TCF12: variants seen among roughly 807,000 people sequenced by gnomAD.
TCF12 encodes transcription factor 12, also known as DNA-binding protein HTF4.
Under a neutral mutation model 86.0 loss-of-function variants are expected in TCF12, and 45 were observed. That is an observed-to-expected ratio of 0.52 (90% CI 0.41 to 0.67). TCF12 has a LOEUF of 0.67. TCF12 is among the 30% of genes least tolerant of loss of function. The pLI, the probability that TCF12 is intolerant of heterozygous loss-of-function variation, is 0.00. For missense variants in TCF12, 881 were observed against 859.9 expected (o/e 1.02, Z -0.31); for synonymous variants, 330 against 299.6 (o/e 1.10, Z -1.05).
At chr15:57,113,518 C>T (rs150342705) in intron 5 of TCF12, among the ~76,000 whole-genome samples, 385 of 152,210 alleles carry the variant, frequency 2.5e-3, no homozygotes, top group Non-Finnish European at 4.3e-3. Flanking sequence ...CTGGCAATCC[C>T]TTACCTTTCT....
intron 6 of TCF12, among the ~76,000 whole-genome samples, chr15:57,181,945 A>G (rs917407413): frequency 6.6e-6 from 1 of 152,162 alleles, no homozygotes; most frequent in East Asian, 1.9e-4. Context: ...TATATTTTAG[A>G]TATATGTATT....
intron 3 of TCF12, among the ~76,000 whole-genome samples, chr15:56,953,936 ATTAC>A (rs2061393297): frequency 4.4e-5 from 3 of 67,566 alleles, no homozygotes; most frequent in Non-Finnish European, 9.1e-5. Context: ...CTGTGACTTT[ATTAC>A]TTGCATTCTC....
chr15:57,146,888 T>A (rs943637363), intron 5 of TCF12, among the ~76,000 whole-genome samples: 27 of 152,196 alleles, frequency 1.8e-4, no homozygotes, highest in African/African-American at 6.5e-4. Flanking sequence ...GGAAAATCAC[T>A]GTAAAAATAA....
intron 4 of TCF12, among the ~76,000 whole-genome samples, chr15:57,070,924 A>G (rs957224132): frequency 3.3e-5 from 5 of 152,112 alleles, no homozygotes; most frequent in East Asian, 1.9e-4. Context: ...CCTTCCTCCA[A>G]CAGAGTCCAG....
chr15:57,243,527 T>C lies in TCF12; in HGVS notation c.1091T>C (p.Val364Ala). The C allele has an allele frequency of 6.2e-7, 1 of 1,613,946 alleles. No homozygotes were observed. Residue 364 changes from valine to alanine, a missense_variant, in exon 13 of 21, where the codon GTT (valine) becomes GCT (alanine). By Grantham distance (64) the Val-to-Ala change is moderately conservative (BLOSUM62 0). Coordinates refer to ENST00000333725, the MANE Select transcript of TCF12 (RefSeq NM_207037.2). Reference protein sequence around the residue: ...SSFPSNPSTPVGSPSPLTGTS... With the variant: ...SSFPSNPSTPAGSPSPLTGTS... ...TTTCCGTCAAATCCATCAACACCAGTTGGATCACCTTCACCTCTCACAGGT... is the reference window on the plus strand; with the variant it reads ...TTTCCGTCAAATCCATCAACACCAGCTGGATCACCTTCACCTCTCACAGGT...
chr15:56,959,576 T>A (rs919581608), intron 3 of TCF12, among the ~76,000 whole-genome samples: 6 of 152,234 alleles, frequency 3.9e-5, no homozygotes, highest in African/African-American at 1.4e-4. Context: ...ATTCAGTTTT[T>A]GTAGGAGAAA....
chr15:57,081,182 T>A (rs1274701042), intron 4 of TCF12, among the ~76,000 whole-genome samples: 5 of 152,252 alleles, frequency 3.3e-5, no homozygotes, highest in African/African-American at 9.6e-5. Flanking sequence ...CTTTCATTCC[T>A]TTATTCTTAT....
intron 4 of TCF12, among the ~76,000 whole-genome samples, chr15:57,070,158 C>G (rs1304954724): frequency 1.3e-5 from 2 of 151,910 alleles, no homozygotes; most frequent in African/African-American, 4.8e-5. Flanking sequence ...GATTTAGCTG[C>G]TGTATATGAT....
intron 4 of TCF12, among the ~76,000 whole-genome samples, chr15:57,070,829 G>A (rs1015629952): frequency 1.3e-5 from 2 of 152,176 alleles, no homozygotes; most frequent in African/African-American, 2.4e-5. Context: ...GGCTGGAGGT[G>A]TAGAAGGAAC....
chr15:57,103,432 T>A (rs1596539670), intron 5 of TCF12, among the ~76,000 whole-genome samples: 1 of 152,218 alleles, frequency 6.6e-6, no homozygotes, highest in South Asian at 2.1e-4. Context: ...TTTGAAACAT[T>A]AGCCAGATGC....
At chr15:56,921,398 A>G (rs923572888) in intron 3 of TCF12, among the ~76,000 whole-genome samples, 9 of 151,986 alleles carry the variant, frequency 5.9e-5, no homozygotes, top group Admixed American at 2.0e-4. Context: ...ATCCTTTCCT[A>G]TATCCAGATT....
chr15:57,231,043 TA>T (rs1424278674), intron 8 of TCF12, 108 bp from the exon 9 acceptor site: 1 of 733,672 alleles, frequency 1.4e-6, no homozygotes, highest in East Asian at 2.7e-5. Context: ...TAGCCCTTTA[TA>T]AAAATTAGAT....
intron 4 of TCF12, among the ~76,000 whole-genome samples, chr15:57,086,243 T>TAATAATAATAATAA (rs2048622379): frequency 1.4e-5 from 1 of 70,168 alleles, no homozygotes; most frequent in Non-Finnish European, 3.5e-5. Flanking sequence ...AATAATAATA[T>TAATAATAATAATAA]AATGACTAGT....
At chr15:57,242,524 C>G (rs557481286) in intron 12 of TCF12, among the ~76,000 whole-genome samples, 6 of 152,158 alleles carry the variant, frequency 3.9e-5, no homozygotes, top group Non-Finnish European at 8.8e-5. Context: ...AAAGTTAGCT[C>G]GGCATGGTGG....
chr15:57,094,089 T>C (rs1489939539), intron 5 of TCF12, among the ~76,000 whole-genome samples: 1 of 152,162 alleles, frequency 6.6e-6, no homozygotes, highest in Admixed American at 6.6e-5. Context: ...GGTCTCACTA[T>C]GTTGACCAGA....
chr15:57,127,095 C>G (rs935371941), intron 5 of TCF12, among the ~76,000 whole-genome samples: 5 of 151,412 alleles, frequency 3.3e-5, no homozygotes, highest in African/African-American at 1.2e-4. Flanking sequence ...AAATTCTCCT[C>G]CCTTAGCCTC....
intron 20 of TCF12, 141 bp downstream of exon 20, chr15:57,282,739 C>A: frequency 9.1e-7 from 1 of 1,094,480 alleles, no homozygotes; most frequent in Non-Finnish European, 1.3e-6. Context: ...AACAGTTTGT[C>A]TTTCTGTTAC....
chr15:57,119,269 TG>T (rs1460120558), intron 5 of TCF12, among the ~76,000 whole-genome samples: 4 of 151,758 alleles, frequency 2.6e-5, no homozygotes, highest in Admixed American at 1.3e-4. Flanking sequence ...ATGGTGGTTT[TG>T]TTTTTTTGTT....
At chr15:57,254,983 G>A (rs1315763792) in intron 16 of TCF12, among the ~76,000 whole-genome samples, 1 of 151,960 alleles carries the variant, frequency 6.6e-6, no homozygotes, top group African/African-American at 2.4e-5. Flanking sequence ...TGTGAATGCA[G>A]AATAACTTAA....
Sources: allele counts gnomAD v4.1 joint callset (sites outside exome capture counted in the v4.1 genomes callset), GRCh38; gene constraint gnomAD v4.1.1; transcripts MANE v1.5; gene names NCBI Gene and HGNC (gene_info 2026-07-23, HGNC 2026-07-21).